The following SSBP2 variants were observed in gnomAD, a reference collection of about 807,000 sequenced individuals.
SSBP2 encodes single stranded DNA binding protein 2, also known as single-stranded DNA-binding protein 2.
In SSBP2, 17 loss-of-function variants were observed where a neutral mutation model predicts 61.8. That is an observed-to-expected ratio of 0.28 (90% CI 0.19 to 0.41). The LOEUF (loss-of-function observed/expected upper bound fraction) is 0.41. Among genes scored for constraint, SSBP2 ranks in the 10% least tolerant of loss-of-function variants. SSBP2 has a pLI of 1.00. For synonymous variants in SSBP2, 139 were observed against 141.3 expected (o/e 0.98, Z 0.12); for missense variants, 310 against 458.7 (o/e 0.68, Z 2.96).
chr5:81,463,526 C>T (rs1416230781), intron 9 of SSBP2, among the ~76,000 whole-genome samples: 1 of 151,738 alleles, frequency 6.6e-6, no homozygotes, highest in African/African-American at 2.4e-5. Context: ...ATGTCGAAAC[C>T]CCATCTACAC....
chr5:81,700,313 G>T (rs1263765784), intron 1 of SSBP2, among the ~76,000 whole-genome samples: 3 of 152,148 alleles, frequency 2.0e-5, no homozygotes, highest in Non-Finnish European at 4.4e-5. Flanking sequence ...GAAAAAGAAA[G>T]AAATAGTCTT....
intron 5 of SSBP2, among the ~76,000 whole-genome samples, chr5:81,502,616 C>A (rs143112217): frequency 9.1e-4 from 138 of 152,340 alleles, no homozygotes; most frequent in African/African-American, 3.2e-3. Context: ...ACAGCCATCT[C>A]AATCTTAACA....
At chr5:81,612,681 G>C (rs925248616) in intron 4 of SSBP2, among the ~76,000 whole-genome samples, 1 of 152,018 alleles carries the variant, frequency 6.6e-6, no homozygotes, top group Non-Finnish European at 1.5e-5. Context: ...ATACATGCAA[G>C]TGAACATTTT....
chr5:81,529,124 C>A (rs1169405962), intron 4 of SSBP2, among the ~76,000 whole-genome samples: 1 of 151,362 alleles, frequency 6.6e-6, no homozygotes, highest in Non-Finnish European at 1.5e-5. Flanking sequence ...TTTGGTAGTA[C>A]CGAAAAAGAA....
chr5:81,669,688 G>C (rs1751439953), intron 1 of SSBP2, among the ~76,000 whole-genome samples: 1 of 151,932 alleles, frequency 6.6e-6, no homozygotes, highest in South Asian at 2.1e-4. Context: ...AGGGAACTTA[G>C]AGGACAGGTC....
intron 4 of SSBP2, among the ~76,000 whole-genome samples, chr5:81,533,294 G>T (rs1770558317): frequency 6.6e-6 from 1 of 151,466 alleles, no homozygotes; most frequent in Non-Finnish European, 1.5e-5. Flanking sequence ...ATAGGTAAAA[G>T]ACAAAATTGC....
At chr5:81,446,744 G>T in intron 12 of SSBP2, 124 bp downstream of exon 12, 1 of 862,326 alleles carries the variant, frequency 1.2e-6, no homozygotes, top group Non-Finnish European at 1.7e-6. Flanking sequence ...CTACCATGCT[G>T]CCTCTACTCC....
At chr5:81,719,215 G>GT (rs992553490) in intron 1 of SSBP2, among the ~76,000 whole-genome samples, 35 of 152,070 alleles carry the variant, frequency 2.3e-4, no homozygotes, top group Admixed American at 2.2e-3. Flanking sequence ...TTTTCAAATC[G>GT]TAAGGAGCAG....
intron 5 of SSBP2, among the ~76,000 whole-genome samples, chr5:81,495,771 ATATCTCATTATATCTCAACTTG>A (rs1324639856): frequency 1.3e-5 from 2 of 152,156 alleles, no homozygotes; most frequent in African/African-American, 4.8e-5. Flanking sequence ...ATCTTACCTT[ATATCTCATTATATCTCAACTTG>A]TATCTCATTA....
At chr5:81,476,543 G>A (rs1399395931) in intron 6 of SSBP2, among the ~76,000 whole-genome samples, 1 of 152,166 alleles carries the variant, frequency 6.6e-6, no homozygotes, top group Non-Finnish European at 1.5e-5. Flanking sequence ...AGGAATACCA[G>A]AGAAATGATG....
chr5:81,447,461 G>A (rs938604531), intron 11 of SSBP2, among the ~76,000 whole-genome samples: 1 of 152,160 alleles, frequency 6.6e-6, no homozygotes, highest in Admixed American at 6.5e-5. Context: ...AATGCTGTGG[G>A]TTATTGAGGC....
At chr5:81,433,197 C>T (rs980280981) in intron 15 of SSBP2, among the ~76,000 whole-genome samples, 1 of 151,958 alleles carries the variant, frequency 6.6e-6, no homozygotes, top group African/African-American at 2.4e-5. Context: ...ATTGAGAAAT[C>T]GGATGGTTGC....
chr5:81,750,161 C>T (rs1452890933), intron 1 of SSBP2, among the ~76,000 whole-genome samples: 1 of 151,960 alleles, frequency 6.6e-6, no homozygotes, highest in African/African-American at 2.4e-5. Context: ...TCCCGCTCCT[C>T]GCCAACACAC....
At chr5:81,601,129 C>G (rs1744323650) in intron 4 of SSBP2, among the ~76,000 whole-genome samples, 1 of 152,154 alleles carries the variant, frequency 6.6e-6, no homozygotes, top group Non-Finnish European at 1.5e-5. Flanking sequence ...GATAAATTCT[C>G]AATTTGGAAA....
intron 15 of SSBP2, among the ~76,000 whole-genome samples, chr5:81,430,821 C>A (rs73766239): frequency 0.067 from 10,194 of 152,174 alleles, 742 homozygotes; most frequent in African/African-American, 0.18. Context: ...AAAATCAGAT[C>A]TCTGAAACCT....
chr5:81,712,406 C>T, intron 1 of SSBP2, among the ~76,000 whole-genome samples: 1 of 6,038 alleles, frequency 1.7e-4, no homozygotes, highest in African/African-American at 9.6e-4. Context: ...TCGAGACCAT[C>T]CTGGCTAACA....
At chr5:81,508,338 T>C (rs967867507) in intron 5 of SSBP2, among the ~76,000 whole-genome samples, 6 of 152,172 alleles carry the variant, frequency 3.9e-5, no homozygotes, top group East Asian at 1.9e-4. Context: ...TGAGGACTTA[T>C]AGGGTTTCTT....
At chr5:81,491,253 CAT>C (rs1766834463) in intron 5 of SSBP2, among the ~76,000 whole-genome samples, 1 of 152,018 alleles carries the variant, frequency 6.6e-6, no homozygotes, top group Admixed American at 6.5e-5. Context: ...AACATGGAGA[CAT>C]AAAAATAGGT....
chr5:81,489,243 A>G lies in SSBP2; in HGVS notation c.432+7T>C, dbSNP rs1766670386. On this transcript the variant is annotated splice_region_variant and intron_variant, in intron 6 of 16. Transcript: ENST00000320672. ...TACAAAAAACTTACATAGCACATAA[A>G]TCTTACCTGATTAGGTATCCTCAAT... 4 of 1,607,874 alleles carry G rather than the reference A, an allele frequency of 2.5e-6. No homozygotes were observed. Among genetic ancestry groups the G allele is most frequent in the African/African-American group, 2.7e-5 (2 of 74,642 alleles).
Sources: gnomAD v4.1 joint callset for allele counts (sites outside exome capture counted in the v4.1 genomes callset) on GRCh38, gnomAD v4.1.1 for gene constraint, MANE v1.5 for transcripts, NCBI Gene and HGNC (gene_info 2026-07-23, HGNC 2026-07-21) for gene names.